Variants in NBAS observed in about 807,000 individuals in gnomAD.
The protein encoded by NBAS is NAG/BC035112 fusion.
Under a neutral mutation model 302.5 loss-of-function variants are expected in NBAS, and 219 were observed. That is an observed-to-expected ratio of 0.72 (90% CI 0.65 to 0.81). The LOEUF (loss-of-function observed/expected upper bound fraction) is 0.81. Among genes scored for constraint, NBAS ranks in the 30% least tolerant of loss-of-function variants. The pLI, the probability that NBAS is intolerant of heterozygous loss-of-function variation, is 0.00. For missense variants in NBAS, 2,932 were observed against 2,841.6 expected (o/e 1.03, Z -0.72); for synonymous variants, 1,118 against 1,021.6 (o/e 1.09, Z -1.80).
At chr2:15,452,587 CAAA>C (rs746981808) in intron 21 of NBAS, among the ~76,000 whole-genome samples, 2 of 75,942 alleles carry the variant, frequency 2.6e-5, no homozygotes, top group Non-Finnish European at 2.9e-5. Context: ...GACTCTGTCT[CAAA>C]AAAAAAAAAA....
At chr2:15,052,585 C>T in the NBAS span, among the ~76,000 whole-genome samples, 2 of 152,308 alleles carry the variant, frequency 1.3e-5, no homozygotes, top group Admixed American at 1.3e-4. Flanking sequence ...CAGCATACAA[C>T]AAGAAACTAC....
chr2:14,870,419 CA>C, the NBAS span, among the ~76,000 whole-genome samples: 1 of 152,130 alleles, frequency 6.6e-6, no homozygotes, highest in East Asian at 1.9e-4. Flanking sequence ...GAATGATCAC[CA>C]GGACTTACAG....
chr2:14,916,698 G>A, the NBAS span, among the ~76,000 whole-genome samples: 8 of 152,234 alleles, frequency 5.3e-5, no homozygotes, highest in African/African-American at 1.2e-4. Flanking sequence ...GTAATGGCTC[G>A]CTACTAAGCC....
intron 11 of NBAS, among the ~76,000 whole-genome samples, chr2:15,498,721 A>C (rs936895066): frequency 2.0e-5 from 3 of 151,680 alleles, no homozygotes; most frequent in African/African-American, 4.8e-5. Context: ...CTGATGGTTT[A>C]AGTGTGTGGC....
the NBAS span, among the ~76,000 whole-genome samples, chr2:15,136,796 T>C: frequency 0.023 from 3,474 of 152,244 alleles, 264 homozygotes; most frequent in East Asian, 0.23. Flanking sequence ...GCTCTTCTCT[T>C]GATAGTGAAT....
At chr2:14,912,702 T>TAAAA in the NBAS span, among the ~76,000 whole-genome samples, 1,453 of 100,286 alleles carry the variant, frequency 0.014, 25 homozygotes, top group African/African-American at 0.054. Context: ...GCATTCATTT[T>TAAAA]TAAAAAAAAA....
At chr2:15,403,294 G>T (rs1676241577) in intron 25 of NBAS, among the ~76,000 whole-genome samples, 1 of 152,100 alleles carries the variant, frequency 6.6e-6, no homozygotes, top group South Asian at 2.1e-4. Flanking sequence ...AACTTTCAAG[G>T]TTACCAGGAA....
the NBAS span, among the ~76,000 whole-genome samples, chr2:15,013,712 A>C: frequency 6.6e-6 from 1 of 152,296 alleles, no homozygotes; most frequent in South Asian, 2.1e-4. Context: ...TGAGCCTGGA[A>C]GATGGAGGCT....
the NBAS span, among the ~76,000 whole-genome samples, chr2:15,160,463 C>T: frequency 6.6e-6 from 1 of 152,056 alleles, no homozygotes. Context: ...CATCTTGGCT[C>T]ATAGAAGAAG....
intron 12 of NBAS, among the ~76,000 whole-genome samples, chr2:15,478,977 G>C (rs765053076): frequency 7.2e-5 from 11 of 152,142 alleles, no homozygotes; most frequent in Non-Finnish European, 1.5e-4. Context: ...TAAAAAAATA[G>C]TTGGGGTGCT....
the NBAS span, among the ~76,000 whole-genome samples, chr2:15,120,766 C>T: frequency 6.6e-6 from 1 of 152,212 alleles, no homozygotes; most frequent in Non-Finnish European, 1.5e-5. Flanking sequence ...CAGGAATATA[C>T]ATAAAAAGCG....
At chr2:14,875,236 G>A in the NBAS span, among the ~76,000 whole-genome samples, 3,099 of 151,968 alleles carry the variant, frequency 0.02, 114 homozygotes, top group African/African-American at 0.07. Flanking sequence ...CCAAGAAATC[G>A]ACCAAAAAAA....
At chr2:15,199,481 G>T (rs943327940) in intron 48 of NBAS, among the ~76,000 whole-genome samples, 1 of 152,108 alleles carries the variant, frequency 6.6e-6, no homozygotes, top group African/African-American at 2.4e-5. Context: ...AAAGTATGAG[G>T]AGTACAGAGA....
At chr2:15,426,217 G>T (rs1216557131) in intron 22 of NBAS, among the ~76,000 whole-genome samples, 1 of 152,136 alleles carries the variant, frequency 6.6e-6, no homozygotes, top group Non-Finnish European at 1.5e-5. Flanking sequence ...TTGTTTTCTA[G>T]TTTCTAGTGT....
chr2:14,891,882 G>T, the NBAS span, among the ~76,000 whole-genome samples: 1 of 152,300 alleles, frequency 6.6e-6, no homozygotes, highest in Admixed American at 6.5e-5. Flanking sequence ...GGTGACAAGA[G>T]GTAGCTGTGG....
the NBAS span, among the ~76,000 whole-genome samples, chr2:15,095,127 G>C: frequency 6.6e-6 from 1 of 152,114 alleles, no homozygotes; most frequent in Non-Finnish European, 1.5e-5. Flanking sequence ...AGGTGGCCCT[G>C]CTTATTTTTA....
chr2:14,816,122 C>T, the NBAS span, among the ~76,000 whole-genome samples: 2 of 152,166 alleles, frequency 1.3e-5, no homozygotes, highest in Admixed American at 1.3e-4. Flanking sequence ...TTTTCAATGG[C>T]TCTCTAGACA....
chr2:15,100,095 C>T, the NBAS span, among the ~76,000 whole-genome samples: 4 of 152,140 alleles, frequency 2.6e-5, no homozygotes, highest in African/African-American at 9.7e-5. Context: ...TTACATTCTC[C>T]AAAGGCATCA....
chr2:15,120,570 G>C, the NBAS span, among the ~76,000 whole-genome samples: 61 of 151,578 alleles, frequency 4.0e-4, no homozygotes, highest in African/African-American at 1.5e-3. Context: ...AAAGTCCCCA[G>C]ATATGAAGTG....
Sources: allele counts gnomAD v4.1 joint callset (sites outside exome capture counted in the v4.1 genomes callset), GRCh38; gene constraint gnomAD v4.1.1; transcripts MANE v1.5; gene names NCBI Gene and HGNC (gene_info 2026-07-23, HGNC 2026-07-21).